The following VPS45 variants were observed in gnomAD, a reference collection of about 807,000 sequenced individuals.
VPS45 encodes vacuolar protein sorting 45 homolog.
A neutral mutation model predicts 75.9 loss-of-function variants in VPS45; 35 were observed. The observed-to-expected ratio is 0.46, with a 90% CI of 0.35 to 0.61. The LOEUF (loss-of-function observed/expected upper bound fraction) is 0.61, where lower values mean the gene tolerates loss of function less well. VPS45 is among the 20% of genes least tolerant of loss of function. The probability of loss-of-function intolerance (pLI) is 0.00; values close to 1 mark genes in which losing one functional copy is unlikely to be tolerated. For missense variants in VPS45, 559 were observed against 685.9 expected, an observed-to-expected ratio of 0.81 and a Z score of 2.07; for synonymous variants, 220 against 238.2, an observed-to-expected ratio of 0.92 and a Z score of 0.70.
chr1:150,124,304 C>A (rs1169271383), intron 14 of VPS45, among the ~76,000 whole-genome samples: 6 of 151,828 alleles, frequency 4.0e-5, no homozygotes, highest in Non-Finnish European at 8.8e-5. Flanking sequence ...ACTAAAAATA[C>A]AAAAATCAGT....
At chr1:150,101,994 T>C (rs1329466645) in intron 13 of VPS45, among the ~76,000 whole-genome samples, 4 of 151,472 alleles carry the variant, frequency 2.6e-5, no homozygotes, top group African/African-American at 9.7e-5. Context: ...CCCAGCACTT[T>C]GGGAGGCTGA....
intron 14 of VPS45, among the ~76,000 whole-genome samples, chr1:150,130,313 C>A (rs1387348736): frequency 1.3e-5 from 2 of 150,568 alleles, no homozygotes; most frequent in Non-Finnish European, 3.0e-5. Context: ...GCCATCCTCC[C>A]GAGTAGCTGG....
At chr1:150,079,958 T>C (rs191921382) in intron 7 of VPS45, among the ~76,000 whole-genome samples, 201 of 152,304 alleles carry the variant, frequency 1.3e-3, no homozygotes, top group Non-Finnish European at 2.1e-3. Flanking sequence ...TCCCACAGAT[T>C]TCACTGGGGA....
At chr1:150,068,993 T>A (rs587748510) in intron 2 of VPS45, 11 of 479,392 alleles carry the variant, frequency 2.3e-5, no homozygotes, top group Admixed American at 3.9e-5. Context: ...GCCATTCCCA[T>A]TGCCACTAAT....
At chr1:150,092,763 A>G (rs1255410960) in intron 12 of VPS45, among the ~76,000 whole-genome samples, 1 of 151,390 alleles carries the variant, frequency 6.6e-6, no homozygotes, top group Admixed American at 6.6e-5. Context: ...AGATGAAGCA[A>G]ACTTTTGATC....
chr1:150,081,955 A>G lies in VPS45; in HGVS notation c.894A>G (p.Lys298=), dbSNP rs1655737654. The change falls in exon 9 of 15, where the codon AAA becomes AAG. Residue 298 remains lysine (K), a synonymous_variant. Coordinates refer to ENST00000644510, the MANE Select transcript of VPS45 (RefSeq NM_007259.5). ...TCATGGAAGATTTTCAGAAGAAGAA[A>G]CCAAAAGAACAGCAAAAACTAGAAT... ...KNLMEDFQKK[K]PKEQQKLESI... is the part of the protein sequence containing the mutation. 1 of 1,613,300 alleles carries G rather than the reference A, an allele frequency of 6.2e-7. No individual in the cohort carries two copies. Among genetic ancestry groups the G allele is most frequent in the African/African-American group, 1.3e-5 (1 of 74,918 alleles).
intron 14 of VPS45, among the ~76,000 whole-genome samples, chr1:150,118,109 C>G (rs1658035179): frequency 6.6e-6 from 1 of 151,450 alleles, no homozygotes; most frequent in South Asian, 2.1e-4. Context: ...ATGGTGAAAC[C>G]TCGTCTCCAC....
chr1:150,140,704 G>A (rs587744532), intron 14 of VPS45, among the ~76,000 whole-genome samples: 2 of 152,072 alleles, frequency 1.3e-5, no homozygotes, highest in African/African-American at 4.8e-5. Context: ...GGATAAGGAG[G>A]GTCAAGGAAG....
intron 10 of VPS45, 176 bp downstream of exon 10, chr1:150,083,059 A>G: frequency 3.0e-6 from 2 of 667,756 alleles, no homozygotes; most frequent in Non-Finnish European, 4.6e-6. Context: ...TCACAAGAGA[A>G]GTGTAATGTG....
chr1:150,076,077 T>TATATATATAA (rs1313052333), intron 3 of VPS45, among the ~76,000 whole-genome samples, 156 bp from the exon 4 acceptor site: 1 of 148,710 alleles, frequency 6.7e-6, no homozygotes, highest in African/African-American at 2.5e-5. Flanking sequence ...TATATATATA[T>TATATATATAA]ATATATAAAA....
At chr1:150,085,667 G>A (rs747512330) in intron 10 of VPS45, among the ~76,000 whole-genome samples, 5 of 151,952 alleles carry the variant, frequency 3.3e-5, no homozygotes, top group South Asian at 2.1e-4. Context: ...ATGATAATAC[G>A]TCATGAAGCA....
At position 150,081,982 on chromosome 1, in the gene VPS45, A is replaced by C. The variant is rs2101536025; in HGVS notation, c.921A>C (p.Ser307=). The C allele has an allele frequency of 1.2e-6, 2 of 1,607,678 alleles. No individual in the cohort carries two copies. The highest frequency in any genetic ancestry group is 1.7e-6 in the Non-Finnish European group (2 of 1,175,108). The change falls in exon 9 of 15, where the codon TCA becomes TCC. Residue 307 remains serine, a synonymous_variant. Transcript: ENST00000644510. ...CAAAAGAACAGCAAAAACTAGAATC[A>C]ATAGCAGACATGAAGGTAAATTGAA... The part of the protein sequence containing the change: ...KKPKEQQKLE[S]IADMKAFVEN...
At chr1:150,089,264 G>A (rs1571844925) in intron 10 of VPS45, among the ~76,000 whole-genome samples, 1 of 152,262 alleles carries the variant, frequency 6.6e-6, no homozygotes, top group Admixed American at 6.5e-5. Context: ...GTAAGAGAGT[G>A]ACTGCAAGGG....
intron 5 of VPS45, 54 bp downstream of exon 5, chr1:150,077,038 A>G: frequency 6.2e-7 from 1 of 1,613,124 alleles, no homozygotes; most frequent in Non-Finnish European, 8.5e-7. Context: ...GCAAATAATT[A>G]GACTTGTAAG....
intron 14 of VPS45, among the ~76,000 whole-genome samples, chr1:150,139,204 A>G (rs587673581): frequency 6.6e-6 from 1 of 152,224 alleles, no homozygotes; most frequent in South Asian, 2.1e-4. Context: ...CCAAAGTAAA[A>G]ACCAAAATTC....
At chr1:150,117,825 C>A (rs1195266384) in intron 14 of VPS45, among the ~76,000 whole-genome samples, 1 of 152,102 alleles carries the variant, frequency 6.6e-6, no homozygotes, top group Non-Finnish European at 1.5e-5. Flanking sequence ...TACCACTGCA[C>A]TCCAGCCTGG....
At chr1:150,081,610 C>A in intron 8 of VPS45, 134 bp downstream of exon 8, 1 of 1,084,338 alleles carries the variant, frequency 9.2e-7, no homozygotes, top group Non-Finnish European at 1.3e-6. Flanking sequence ...CATAAACTGC[C>A]TCTGAAGGGA....
At chr1:150,090,428 C>G (rs1553801699) in intron 10 of VPS45, among the ~76,000 whole-genome samples, 1 of 152,010 alleles carries the variant, frequency 6.6e-6, no homozygotes. Context: ...TGTTATAACA[C>G]CACATATTTG....
chr1:150,130,045 T>C (rs1273391007), intron 14 of VPS45, among the ~76,000 whole-genome samples: 1 of 151,816 alleles, frequency 6.6e-6, no homozygotes, highest in Non-Finnish European at 1.5e-5. Context: ...TATCTATTTA[T>C]TTGAGATGGA....
Sources: allele counts gnomAD v4.1 joint callset (sites outside exome capture counted in the v4.1 genomes callset), GRCh38; gene constraint gnomAD v4.1.1; transcripts MANE v1.5; gene names NCBI Gene and HGNC (gene_info 2026-07-23, HGNC 2026-07-21).